The following PTPRS variants were observed in gnomAD, a reference collection of about 807,000 sequenced individuals.
PTPRS encodes the protein receptor-type tyrosine-protein phosphatase S.
A neutral mutation model predicts 215.3 loss-of-function variants in PTPRS; 63 were observed. That is an observed-to-expected ratio of 0.29 (90% CI 0.24 to 0.36). The LOEUF is 0.36. Among genes scored for constraint, PTPRS ranks in the 10% least tolerant of loss-of-function variants. The pLI is 1.00. For synonymous variants in PTPRS, 1,404 were observed against 1,191.4 expected (o/e 1.18, Z -3.68); for missense variants, 2,258 against 2,825.8 (o/e 0.80, Z 4.56).
At chr19:5,297,225 C>T (rs2049163476) in intron 1 of PTPRS, among the ~76,000 whole-genome samples, 1 of 152,178 alleles carries the variant, frequency 6.6e-6, no homozygotes. Context: ...ACGTCAGCTC[C>T]CACAGCTGGG....
At chr19:5,266,907 A>C (rs191773169) in intron 4 of PTPRS, among the ~76,000 whole-genome samples, 8 of 151,998 alleles carry the variant, frequency 5.3e-5, no homozygotes, top group Admixed American at 3.9e-4. Flanking sequence ...ACTGATCGGA[A>C]CACCACCTGG....
At chr19:5,250,257 T>C (rs527577034) in intron 9 of PTPRS, among the ~76,000 whole-genome samples, 15 of 152,312 alleles carry the variant, frequency 9.8e-5, no homozygotes, top group African/African-American at 3.6e-4. Flanking sequence ...GGGAGGATCA[T>C]GCCCATTGGC....
chr19:5,238,944 C>G lies in PTPRS; in HGVS notation c.1824G>C (p.Val608=), dbSNP rs2043730731. The G allele has an allele frequency of 6.2e-7, 1 of 1,610,366 alleles. No individual in the cohort carries two copies. Among genetic ancestry groups the G allele is most frequent in the East Asian group, 2.2e-5 (1 of 44,708 alleles). The change falls in exon 13 of 38, where the codon GTG becomes GTC. Residue 608 remains valine, a synonymous_variant. Transcript: ENST00000262963. ...SPQGLGAFTP[V]VRQRTLQSKP... ...TGGACTGCAGCGTGCGCTGCCGCAC[C>G]ACGGGGGTGAAGGCGCCCAGGCCCT...
At chr19:5,265,422 G>C (rs2046329080) in intron 4 of PTPRS, among the ~76,000 whole-genome samples, 3 of 152,130 alleles carry the variant, frequency 2.0e-5, no homozygotes, top group Admixed American at 1.3e-4. Flanking sequence ...GCTCACCGCA[G>C]TCTCAACAAC....
rs1181137230 is a variant in PTPRS at position 5,244,998 on chromosome 19, T to C, written c.989-516A>G. Among the ~76,000 whole-genome samples the C allele has an allele frequency of 1.4e-5, 2 of 140,158 alleles. No homozygotes were observed. The highest frequency in any genetic ancestry group is 2.9e-5 in the African/African-American group (1 of 34,996). The allele number at this position is 140,158 out of a possible 152,430, so 91.9% of individuals were successfully genotyped here. On this transcript the variant is annotated intron_variant, in intron 10 of 37. Coordinates refer to ENST00000262963, the MANE Select transcript of PTPRS (RefSeq NM_002850.4). This position sits in a 1 kb window ranked among gnomAD's most constrained non-coding sequence, Gnocchi z 7.2. ...TTTCTTTTTTCTTTTTTTTTTTTTTTAGACGGAGCCTTGCTCTGTCACCCA... is the reference window on the plus strand; with the variant it reads ...TTTCTTTTTTCTTTTTTTTTTTTTTCAGACGGAGCCTTGCTCTGTCACCCA...
At chr19:5,332,026 G>C (rs542953698) in intron 1 of PTPRS, among the ~76,000 whole-genome samples, 5 of 152,094 alleles carry the variant, frequency 3.3e-5, no homozygotes, top group African/African-American at 1.2e-4. Flanking sequence ...CAGAAGTCAC[G>C]CAACTTTTAA....
chr19:5,305,616 C>T (rs192809624), intron 1 of PTPRS, among the ~76,000 whole-genome samples: 51 of 151,564 alleles, frequency 3.4e-4, no homozygotes, highest in African/African-American at 1.1e-3. Flanking sequence ...CTAATCCCGG[C>T]ACTTTGGGAG....
intron 1 of PTPRS, among the ~76,000 whole-genome samples, chr19:5,286,959 C>T (rs540904935): frequency 2.0e-5 from 3 of 152,294 alleles, no homozygotes; most frequent in African/African-American, 7.2e-5. Flanking sequence ...GGAGGGGACT[C>T]CAGACTATGC....
chr19:5,212,250 A>G lies in PTPRS; in HGVS notation c.4770T>C (p.Ser1590=), dbSNP rs1302359604. 1 of 1,609,364 alleles carries G rather than the reference A, an allele frequency of 6.2e-7. No individual in the cohort carries two copies. The highest frequency in any genetic ancestry group is 1.3e-5 in the African/African-American group (1 of 74,878). The change falls in exon 32 of 38, where the codon AGT becomes AGC. Residue 1590 remains serine (S), a splice_region_variant and synonymous_variant. Transcript: ENST00000262963. ...PDAGPIVVHC[S]AGVGRTGCFI... ...AGCAGCCTGTGCGGCCCACACCGGC[A>G]CTGCAGGGACAGCCACGTGGCGTTC...
intron 37 of PTPRS, among the ~76,000 whole-genome samples, chr19:5,207,273 C>T (rs1422242721): frequency 6.6e-6 from 1 of 152,136 alleles, no homozygotes; most frequent in Non-Finnish European, 1.5e-5. Flanking sequence ...TTAGTAGAGA[C>T]AGGGTTTCGC....
intron 1 of PTPRS, among the ~76,000 whole-genome samples, chr19:5,319,837 C>T (rs1385457250): frequency 2.0e-5 from 3 of 151,974 alleles, no homozygotes; most frequent in South Asian, 2.1e-4. Flanking sequence ...TCAATGAAGC[C>T]GTCCCTACAG....
intron 6 of PTPRS, among the ~76,000 whole-genome samples, chr19:5,261,092 T>A (rs890189737): frequency 6.6e-6 from 1 of 151,572 alleles, no homozygotes; most frequent in African/African-American, 2.4e-5. Flanking sequence ...AGGGATGGAG[T>A]CTAGAAGCCT....
rs1258018367 is a variant in PTPRS at position 5,206,167 on chromosome 19, A to ACTGT, written c.*603_*606dup. Among the ~76,000 whole-genome samples the ACTGT allele has an allele frequency of 1.3e-5, 2 of 151,782 alleles. No homozygotes were observed. The highest frequency in any genetic ancestry group is 2.9e-5 in the Non-Finnish European group (2 of 67,980). ...GACGCTTTCTACAGTGAAAAAATAG[A>ACTGT]CTGTCTTTGAACAGAATATGAATAA... On this transcript the variant is annotated 3_prime_UTR_variant, in exon 38 of 38. Transcript: ENST00000262963.
chr19:5,282,679 T>C (rs2047960146), intron 2 of PTPRS, among the ~76,000 whole-genome samples: 1 of 151,760 alleles, frequency 6.6e-6, no homozygotes, highest in South Asian at 2.1e-4. Flanking sequence ...GGTACACGCC[T>C]GTAATCCCAG....
chr19:5,222,505 T>C (rs1382422486), intron 18 of PTPRS, among the ~76,000 whole-genome samples, 184 bp downstream of exon 18: 1 of 148,998 alleles, frequency 6.7e-6, no homozygotes, highest in Admixed American at 6.6e-5. Flanking sequence ...TGGGGGGCGG[T>C]GGTGCCACCG....
intron 1 of PTPRS, among the ~76,000 whole-genome samples, chr19:5,333,427 A>G (rs1407055693): frequency 3.3e-5 from 5 of 151,860 alleles, no homozygotes; most frequent in Non-Finnish European, 1.5e-5. Context: ...GGATTGCTTG[A>G]GCCCAGGAGT....
intron 37 of PTPRS, among the ~76,000 whole-genome samples, chr19:5,207,331 T>C (rs1165054724): frequency 1.3e-5 from 2 of 152,216 alleles, no homozygotes; most frequent in African/African-American, 4.8e-5. Context: ...GTGATCTGCC[T>C]GCCTTGGCCT....
chr19:5,301,617 T>C (rs2049307227), intron 1 of PTPRS, among the ~76,000 whole-genome samples: 1 of 151,802 alleles, frequency 6.6e-6, no homozygotes, highest in South Asian at 2.1e-4. Flanking sequence ...CACCTGGCTG[T>C]AAATGCATTT....
chr19:5,298,128 T>A (rs2147070680), intron 1 of PTPRS, among the ~76,000 whole-genome samples: 1 of 152,230 alleles, frequency 6.6e-6, no homozygotes, highest in South Asian at 2.1e-4. Context: ...TACGAATGGG[T>A]GCTTTTCTTT....
Sources: allele counts gnomAD v4.1 joint callset (sites outside exome capture counted in the v4.1 genomes callset), GRCh38; gene constraint gnomAD v4.1.1; non-coding constraint Gnocchi (gnomAD v3.1); transcripts MANE v1.5; gene names NCBI Gene and HGNC (gene_info 2026-07-23, HGNC 2026-07-21).